BABAM2: variants seen among roughly 807,000 people sequenced by gnomAD.
BABAM2 encodes BRISC and BRCA1-A complex member 2.
Under a neutral mutation model 54.7 loss-of-function variants are expected in BABAM2, and 31 were observed. The observed-to-expected ratio is 0.57, with a 90% CI of 0.43 to 0.77. The LOEUF is 0.77. BABAM2 is among the 30% of genes least tolerant of loss of function. The pLI is 0.00. For synonymous variants in BABAM2, 167 were observed against 162.9 expected, an observed-to-expected ratio of 1.03 and a Z score of -0.19; for missense variants, 364 against 455.8, an observed-to-expected ratio of 0.80 and a Z score of 1.83.
intron 11 of BABAM2, chr2:28,310,052 TA>T (rs1472837130): frequency 6.2e-7 from 1 of 1,607,254 alleles, no homozygotes; most frequent in African/African-American, 1.3e-5. Context: ...AAAAGTATCT[TA>T]AAGGGATTTG....
At chr2:27,975,877 A>T (rs901059016) in intron 3 of BABAM2, among the ~76,000 whole-genome samples, 1 of 152,084 alleles carries the variant, frequency 6.6e-6, no homozygotes, top group Non-Finnish European at 1.5e-5. Flanking sequence ...AATAAAAAAA[A>T]TGGGGAACAG....
chr2:28,301,309 A>G (rs771715930), intron 11 of BABAM2, among the ~76,000 whole-genome samples: 8 of 152,230 alleles, frequency 5.3e-5, no homozygotes, highest in Non-Finnish European at 1.2e-4. Context: ...GGCACTGACC[A>G]GGGCTTTTCC....
intron 3 of BABAM2, among the ~76,000 whole-genome samples, chr2:27,986,983 A>G (rs1041131645): frequency 6.6e-6 from 1 of 152,210 alleles, no homozygotes. Context: ...AGAACTTGCA[A>G]TCTAAATTTG....
chr2:27,991,532 T>C (rs1393725750), intron 4 of BABAM2, among the ~76,000 whole-genome samples: 2 of 152,186 alleles, frequency 1.3e-5, no homozygotes, highest in African/African-American at 4.8e-5. Context: ...CTTAAACTTA[T>C]TAGCAGTCAC....
chr2:28,135,195 T>TA (rs1288445772), intron 7 of BABAM2, among the ~76,000 whole-genome samples: 2 of 152,186 alleles, frequency 1.3e-5, no homozygotes, highest in African/African-American at 4.8e-5. Flanking sequence ...CTTTGGAAGA[T>TA]TATGGAAAGC....
At chr2:27,965,195 C>G (rs1007710294) in intron 3 of BABAM2, among the ~76,000 whole-genome samples, 6 of 152,056 alleles carry the variant, frequency 3.9e-5, no homozygotes, top group African/African-American at 1.2e-4. Flanking sequence ...TTCTGGCTGC[C>G]TTCATTATAA....
intron 2 of BABAM2, among the ~76,000 whole-genome samples, chr2:27,898,510 T>C (rs1665519723): frequency 6.6e-6 from 1 of 152,192 alleles, no homozygotes; most frequent in African/African-American, 2.4e-5. Flanking sequence ...ACTGAGGTTT[T>C]TGCAGGTCAA....
chr2:28,018,440 A>G (rs1027122355), intron 4 of BABAM2, among the ~76,000 whole-genome samples: 18 of 152,032 alleles, frequency 1.2e-4, no homozygotes, highest in African/African-American at 4.3e-4. Context: ...CATTTTTGCA[A>G]TTGCAAATTG....
chr2:28,215,712 CCT>C (rs1048728241), intron 7 of BABAM2, among the ~76,000 whole-genome samples: 2 of 152,108 alleles, frequency 1.3e-5, no homozygotes, highest in African/African-American at 4.8e-5. Context: ...TTTCTCACTC[CCT>C]GTTTTTTAGG....
intron 6 of BABAM2, among the ~76,000 whole-genome samples, chr2:28,102,258 C>T (rs1288629232): frequency 1.3e-5 from 2 of 152,088 alleles, no homozygotes; most frequent in Non-Finnish European, 2.9e-5. Flanking sequence ...GTCCCTTTTT[C>T]CCTCAATACC....
chr2:27,904,953 A>G (rs1006828024), intron 2 of BABAM2, among the ~76,000 whole-genome samples: 14 of 152,248 alleles, frequency 9.2e-5, no homozygotes, highest in African/African-American at 2.9e-4. Flanking sequence ...CCTAGAAAGC[A>G]GTCAATACAA....
At chr2:28,260,459 G>A (rs890231606) in intron 10 of BABAM2, among the ~76,000 whole-genome samples, 5 of 149,278 alleles carry the variant, frequency 3.3e-5, no homozygotes, top group Non-Finnish European at 5.9e-5. Context: ...CTACCACCAC[G>A]CCCGGCTAAT....
intron 10 of BABAM2, among the ~76,000 whole-genome samples, chr2:28,266,142 G>T (rs1019646525): frequency 6.6e-6 from 1 of 151,994 alleles, no homozygotes; most frequent in Admixed American, 6.6e-5. Flanking sequence ...ACACCACCAC[G>T]CTCGGCTAAG....
At chr2:28,310,004 T>C in intron 11 of BABAM2, 1 of 1,464,658 alleles carries the variant, frequency 6.8e-7, no homozygotes, top group South Asian at 1.1e-5. Flanking sequence ...GCAAATCATA[T>C]AAATAACGTG....
chr2:28,115,226 A>ACACACAC (rs1668509092), intron 6 of BABAM2, among the ~76,000 whole-genome samples: 2 of 133,588 alleles, frequency 1.5e-5, no homozygotes, highest in African/African-American at 2.8e-5. Flanking sequence ...CACACACACA[A>ACACACAC]ACCAATCAAA....
At chr2:28,102,201 A>C (rs1390064403) in intron 6 of BABAM2, among the ~76,000 whole-genome samples, 4 of 152,208 alleles carry the variant, frequency 2.6e-5, no homozygotes, top group African/African-American at 7.2e-5. Context: ...TTTTTGAATA[A>C]ATAAATGAAT....
intron 10 of BABAM2, among the ~76,000 whole-genome samples, chr2:28,290,438 A>G (rs137939100): frequency 9.8e-4 from 150 of 152,338 alleles, no homozygotes; most frequent in African/African-American, 3.4e-3. Flanking sequence ...GGAATTCCCA[A>G]TGTTCCACAG....
chr2:27,934,303 T>C (rs756461759), intron 3 of BABAM2, among the ~76,000 whole-genome samples: 4 of 152,236 alleles, frequency 2.6e-5, no homozygotes, highest in Non-Finnish European at 5.9e-5. Context: ...GATCTGTGAT[T>C]GTTGACTCTT....
intron 5 of BABAM2, among the ~76,000 whole-genome samples, chr2:28,044,722 G>A (rs1275553853): frequency 2.6e-5 from 4 of 152,164 alleles, no homozygotes; most frequent in African/African-American, 9.7e-5. Context: ...TTTAAAGAGC[G>A]GGAACTCTTT....
Sources: gnomAD v4.1 joint callset for allele counts (sites outside exome capture counted in the v4.1 genomes callset) on GRCh38, gnomAD v4.1.1 for gene constraint, MANE v1.5 for transcripts, NCBI Gene and HGNC (gene_info 2026-07-23, HGNC 2026-07-21) for gene names.